The following HABP4 variants were observed in gnomAD, a reference collection of about 807,000 sequenced individuals.
The protein encoded by HABP4 is intracellular hyaluronan-binding protein 4.
In HABP4, 32 loss-of-function variants were observed where a neutral mutation model predicts 44.1. That is an observed-to-expected ratio of 0.73 (90% confidence interval 0.55 to 0.97). The LOEUF is 0.97. HABP4 is among the 50% of genes least tolerant of loss of function. The pLI, the probability that HABP4 is intolerant of heterozygous loss-of-function variation, is 0.00. For synonymous variants in HABP4, 216 were observed against 218.0 expected (o/e 0.99, Z 0.08); for missense variants, 503 against 561.9 (o/e 0.90, Z 1.06).
At position 96,450,689 on chromosome 9, in the gene HABP4, G is replaced by C; in HGVS notation, c.349+61G>C. The C allele has an allele frequency of 8.4e-7, 1 of 1,195,606 alleles. No homozygotes were observed. Among genetic ancestry groups the C allele is most frequent in the Non-Finnish European group, 1.0e-6 (1 of 957,854 alleles). The allele number at this position is 1,195,606 out of a possible 1,614,324, so 74.1% of individuals were successfully genotyped here. ...CGGCCCGCTGTGAGACTGGGGTCCC[G>C]GGGGCCGGTTTCAGGAGGAGGGGCC... is the stretch of plus-strand genomic sequence containing the variant. On this transcript the variant is annotated intron_variant, in intron 1 of 7. Transcript: ENST00000375249. This position sits in a 1 kb window ranked among gnomAD's most constrained non-coding sequence, Gnocchi z 4.8.
chr9:96,450,373 C>T lies in HABP4; in HGVS notation c.94C>T (p.Leu32=). The T allele has an allele frequency of 7.5e-7, 1 of 1,329,068 alleles. No homozygotes were observed. The highest frequency in any genetic ancestry group is 9.8e-7 in the Non-Finnish European group (1 of 1,015,326). The allele number at this position is 1,329,068 out of a possible 1,614,324, so 82.3% of individuals were successfully genotyped here. A position where few individuals can be genotyped will look rare whatever the true frequency, so the allele number is the denominator to read the frequency against. The change falls in exon 1 of 8, where the codon CTG becomes TTG. Residue 32 remains leucine, a synonymous_variant. Transcript: ENST00000375249. The surrounding 1 kb of genome is among the most constrained non-coding windows in gnomAD (Gnocchi z 4.8). ...CVVANRFHQL[L]DDESDPFDIL... ...GGTGGCCAACCGCTTCCATCAGCTG[C>T]TGGACGACGAGTCGGACCCGTTCGA...
intron 2 of HABP4, among the ~76,000 whole-genome samples, chr9:96,463,545 G>C (rs112081974): frequency 6.6e-6 from 1 of 152,122 alleles, no homozygotes; most frequent in Non-Finnish European, 1.5e-5. Flanking sequence ...GTGAGCCACC[G>C]AGCCCAGCCT....
intron 5 of HABP4, among the ~76,000 whole-genome samples, chr9:96,479,476 T>C (rs1832840264): frequency 6.6e-6 from 1 of 152,186 alleles, no homozygotes; most frequent in South Asian, 2.1e-4. Context: ...ATGTAAAATA[T>C]TTACATGTTT....
chr9:96,472,277 T>C (rs910968134), intron 5 of HABP4, among the ~76,000 whole-genome samples: 1 of 152,176 alleles, frequency 6.6e-6, no homozygotes. Flanking sequence ...GTCACTGATA[T>C]TCTGAAACCA....
intron 5 of HABP4, among the ~76,000 whole-genome samples, chr9:96,473,019 TC>T (rs1293872207): frequency 3.9e-5 from 6 of 152,362 alleles, no homozygotes; most frequent in Admixed American, 3.9e-4. Flanking sequence ...TGCAGGCTCA[TC>T]CTTGTCTTTC....
At chr9:96,473,460 C>A (rs1409890160) in intron 5 of HABP4, among the ~76,000 whole-genome samples, 1 of 152,208 alleles carries the variant, frequency 6.6e-6, no homozygotes, top group Non-Finnish European at 1.5e-5. Context: ...GTCGTCTAAG[C>A]CATTGTTATC....
At position 96,465,733 on chromosome 9, in the gene HABP4, T is replaced by G. The variant is rs762154094; in HGVS notation, c.698T>G (p.Met233Arg). Residue 233 changes from methionine (M) to arginine (R), a missense_variant, in exon 4 of 8, where the codon ATG (methionine) becomes AGG (arginine). Physicochemically the swap from Met to Arg is moderately conservative, Grantham distance 91 (BLOSUM62 -1). Transcript: ENST00000375249. ...DKIAVRTEDNMGGCGVRTWGS... is the reference protein window; with the variant it reads ...DKIAVRTEDNRGGCGVRTWGS... ...AGAGCAGTCAGAACTGAAGACAACATGGGTGGATGTGGAGTTCGAACCTGG... is the reference window on the plus strand; with the variant it reads ...AGAGCAGTCAGAACTGAAGACAACAGGGGTGGATGTGGAGTTCGAACCTGG... 1 of 1,604,334 alleles carries G rather than the reference T, an allele frequency of 6.2e-7. No individual in the cohort carries two copies. Among genetic ancestry groups the G allele is most frequent in the Admixed American group, 1.7e-5 (1 of 59,990 alleles).
Position 96,450,718 on chromosome 9 carries a change from G to C in HABP4, c.349+90G>C, listed in dbSNP as rs1453608218. The C allele has an allele frequency of 2.8e-6, 3 of 1,073,740 alleles. No homozygotes were observed. The Admixed American group carries it at 1.3e-4, about 48-fold the overall frequency. The allele number at this position is 1,073,740 out of a possible 1,614,324, so 66.5% of individuals were successfully genotyped here. On this transcript the variant is annotated intron_variant, in intron 1 of 7. Transcript: ENST00000375249. The surrounding 1 kb of genome is among the most constrained non-coding windows in gnomAD (Gnocchi z 4.8). ...GCCGGTTTCAGGAGGAGGGGCCCGG[G>C]AACAGTAGGGAGAGTTGAGGGTCCT...
chr9:96,483,469 C>A, intron 5 of HABP4: 1 of 152,158 alleles, frequency 6.6e-6, no homozygotes. Context: ...TCACTGCAGC[C>A]TCAGATGCCT....
At chr9:96,470,818 A>G (rs1340455379) in intron 4 of HABP4, among the ~76,000 whole-genome samples, 193 bp from the exon 5 acceptor site, 1 of 149,664 alleles carries the variant, frequency 6.7e-6, no homozygotes, top group African/African-American at 2.5e-5. Context: ...AATCACTTAA[A>G]CCTGGGAGGG....
In HABP4 at chr9:96,489,968, C is replaced by CT. The variant is rs1564171785; in HGVS notation, c.1186-7dup. ...AGGGGCAGTGGATTTCAAAGTATTTCTTTTTTTCTTTAGATGCAAGATGTT... is the reference window on the plus strand; with the variant it reads ...AGGGGCAGTGGATTTCAAAGTATTTCTTTTTTTTCTTTAGATGCAAGATGTT... On this transcript the variant is annotated splice_polypyrimidine_tract_variant and intron_variant, in intron 7 of 7. Transcript: ENST00000375249. The CT allele has an allele frequency of 4.5e-6, 7 of 1,539,318 alleles. No individual in the cohort carries two copies. Among genetic ancestry groups the CT allele is most frequent in the Admixed American group, 1.7e-5 (1 of 59,912 alleles).
chr9:96,460,416 C>T (rs999011637), intron 2 of HABP4, among the ~76,000 whole-genome samples: 1 of 152,126 alleles, frequency 6.6e-6, no homozygotes, highest in African/African-American at 2.4e-5. Context: ...CCCCTTACTC[C>T]TAAATACTTT....
intron 5 of HABP4, among the ~76,000 whole-genome samples, chr9:96,475,390 C>CAAAAAAAAAAAAAAA (rs61553823): frequency 1.5e-3 from 139 of 93,908 alleles, no homozygotes; most frequent in African/African-American, 2.3e-3. Context: ...ACAACAACAA[C>CAAAAAAAAAAAAAAA]AAAAAAAAAA....
At chr9:96,472,987 T>A (rs1654304885) in intron 5 of HABP4, among the ~76,000 whole-genome samples, 1 of 152,236 alleles carries the variant, frequency 6.6e-6, no homozygotes, top group Non-Finnish European at 1.5e-5. Context: ...CTTCTTTTCC[T>A]TCTGCCTCTC....
intron 1 of HABP4, among the ~76,000 whole-genome samples, chr9:96,452,432 A>G (rs1832300433): frequency 6.6e-6 from 1 of 151,968 alleles, no homozygotes; most frequent in Non-Finnish European, 1.5e-5. Flanking sequence ...GCACAGAGCT[A>G]TTTCTTTTCT....
intron 5 of HABP4, among the ~76,000 whole-genome samples, chr9:96,481,441 C>T (rs556924274): frequency 5.9e-5 from 9 of 152,068 alleles, no homozygotes; most frequent in East Asian, 1.9e-4. Flanking sequence ...TACTATAGCA[C>T]TCAAATCTCT....
At chr9:96,476,209 G>A (rs1424500221) in intron 5 of HABP4, among the ~76,000 whole-genome samples, 1 of 152,112 alleles carries the variant, frequency 6.6e-6, no homozygotes, top group East Asian at 1.9e-4. Flanking sequence ...TGCTCACTAT[G>A]TGACCTCTCT....
At chr9:96,455,018 C>G (rs1221005260) in intron 1 of HABP4, among the ~76,000 whole-genome samples, 1 of 151,886 alleles carries the variant, frequency 6.6e-6, no homozygotes, top group Admixed American at 6.6e-5. Context: ...ATTTGAGAGG[C>G]TGAGGTGGGA....
chr9:96,450,645 G>T lies in HABP4; in HGVS notation c.349+17G>T, dbSNP rs1832255570. 7.9e-6 allele frequency: 10 copies of T among 1,261,500 alleles called. No individual in the cohort carries two copies. The highest frequency in any genetic ancestry group is 1.0e-5 in the Non-Finnish European group (10 of 1,003,212). 78.1% of individuals were successfully genotyped at this position (1,261,500 alleles called of 1,614,324 possible). ...AGGCGCCGGGTACGCGGGGACAGCG[G>T]GGTTAGCGGACCACGGCTCGGCCCG... is the stretch of plus-strand genomic sequence containing the variant. On this transcript the variant is annotated intron_variant, in intron 1 of 7. Coordinates refer to ENST00000375249, the MANE Select transcript of HABP4 (RefSeq NM_014282.4). The surrounding 1 kb of genome is among the most constrained non-coding windows in gnomAD (Gnocchi z 4.8).
Sources: allele counts gnomAD v4.1 joint callset (sites outside exome capture counted in the v4.1 genomes callset), GRCh38; gene constraint gnomAD v4.1.1; non-coding constraint Gnocchi (gnomAD v3.1); transcripts MANE v1.5; gene names NCBI Gene and HGNC (gene_info 2026-07-23, HGNC 2026-07-21).